The following TAFA2 variants were observed in gnomAD, a reference collection of about 807,000 sequenced individuals.
TAFA2 encodes the protein chemokine-like protein TAFA-2.
Under a neutral mutation model 18.8 loss-of-function variants are expected in TAFA2, and 7 were observed. The ratio of observed to expected loss-of-function variants is 0.37; its 90% CI spans 0.21 to 0.70. The LOEUF is 0.70. TAFA2 is among the 30% of genes least tolerant of loss of function. TAFA2 has a pLI of 0.53. For missense variants in TAFA2, 122 were observed against 158.1 expected (o/e 0.77, Z 1.23); for synonymous variants, 60 against 54.2 (o/e 1.11, Z -0.47).
chr12:62,194,301 T>TCTCA (rs2062639497), upstream of TAFA2, among the ~76,000 whole-genome samples: 1 of 145,920 alleles, frequency 6.9e-6, no homozygotes, highest in East Asian at 2.0e-4. Context: ...GGCTTTCTTT[T>TCTCA]CACACACACA....
chr12:61,765,511 C>T (rs1869751087), intron 2 of TAFA2, among the ~76,000 whole-genome samples: 1 of 152,032 alleles, frequency 6.6e-6, no homozygotes, highest in Non-Finnish European at 1.5e-5. Flanking sequence ...GAGTTGGGTG[C>T]AGCTCAAGTG....
chr12:62,080,296 T>G (rs1592323109), intron 1 of TAFA2, among the ~76,000 whole-genome samples: 1 of 152,234 alleles, frequency 6.6e-6, no homozygotes, highest in Admixed American at 6.5e-5. Flanking sequence ...CTTACCTGAT[T>G]CGGTCAGGCT....
At chr12:61,995,920 T>A (rs1454609030) in intron 1 of TAFA2, among the ~76,000 whole-genome samples, 2 of 152,182 alleles carry the variant, frequency 1.3e-5, no homozygotes, top group African/African-American at 2.4e-5. Context: ...AATCATTCAA[T>A]TGTACATTTG....
chr12:62,251,154 T>C (rs1163796234), intron 1 of TAFA2, among the ~76,000 whole-genome samples: 2 of 152,170 alleles, frequency 1.3e-5, no homozygotes, highest in East Asian at 1.9e-4. Context: ...CAGGTAGTCA[T>C]GTAATTGTTA....
chr12:62,047,095 T>C (rs1234913577), intron 1 of TAFA2, among the ~76,000 whole-genome samples: 1 of 152,038 alleles, frequency 6.6e-6, no homozygotes, highest in Non-Finnish European at 1.5e-5. Flanking sequence ...TAATAATAAT[T>C]AGGTCAGGAA....
At chr12:61,957,685 G>T (rs1878744978) in intron 1 of TAFA2, among the ~76,000 whole-genome samples, 1 of 152,066 alleles carries the variant, frequency 6.6e-6, no homozygotes, top group Admixed American at 6.6e-5. Context: ...TGGTCAAGGA[G>T]AGAGTTTGCC....
At chr12:61,998,217 A>G (rs1395590797) in intron 1 of TAFA2, among the ~76,000 whole-genome samples, 1 of 152,214 alleles carries the variant, frequency 6.6e-6, no homozygotes, top group Non-Finnish European at 1.5e-5. Flanking sequence ...CAGGACATCA[A>G]TATGAGGGGA....
At chr12:61,921,984 T>C (rs923095230) in intron 1 of TAFA2, among the ~76,000 whole-genome samples, 2 of 152,146 alleles carry the variant, frequency 1.3e-5, no homozygotes, top group African/African-American at 2.4e-5. Flanking sequence ...ATGCTGTTAA[T>C]AGATCAAGTA....
At chr12:61,790,226 A>G (rs1870916844) in intron 2 of TAFA2, among the ~76,000 whole-genome samples, 2 of 151,898 alleles carry the variant, frequency 1.3e-5, no homozygotes, top group African/African-American at 2.4e-5. Context: ...CCACAACACA[A>G]TAAAGGCCAT....
intron 2 of TAFA2, among the ~76,000 whole-genome samples, chr12:61,850,143 TA>T (rs1174407992): frequency 6.6e-6 from 1 of 151,772 alleles, no homozygotes; most frequent in Non-Finnish European, 1.5e-5. Flanking sequence ...TAAACCAATA[TA>T]TAGTATACCT....
intron 1 of TAFA2, among the ~76,000 whole-genome samples, chr12:61,962,832 G>T (rs533274194): frequency 6.6e-6 from 1 of 151,962 alleles, no homozygotes; most frequent in Non-Finnish European, 1.5e-5. Flanking sequence ...CACATGCCAT[G>T]GTGGTTTGCT....
At chr12:62,041,294 A>C (rs1207537807) in intron 1 of TAFA2, among the ~76,000 whole-genome samples, 2 of 152,208 alleles carry the variant, frequency 1.3e-5, no homozygotes, top group Non-Finnish European at 2.9e-5. Context: ...TTTGAAAAAA[A>C]GAAAAATTTT....
At chr12:61,750,769 C>T (rs1165960986) in intron 4 of TAFA2, among the ~76,000 whole-genome samples, 1 of 152,090 alleles carries the variant, frequency 6.6e-6, no homozygotes, top group Non-Finnish European at 1.5e-5. Context: ...TACATTATTG[C>T]ATATTTTAAT....
chr12:62,232,722 G>A (rs997050614), intron 1 of TAFA2, among the ~76,000 whole-genome samples: 6 of 152,014 alleles, frequency 3.9e-5, no homozygotes, highest in African/African-American at 1.5e-4. Context: ...ATGATGGCCA[G>A]GCTGGTCTTG....
chr12:61,931,168 T>C (rs2121394328), intron 1 of TAFA2, among the ~76,000 whole-genome samples: 1 of 152,322 alleles, frequency 6.6e-6, no homozygotes, highest in Admixed American at 6.5e-5. Flanking sequence ...TTAAAGTGTA[T>C]TACCTGCTTT....
At chr12:62,007,106 C>T (rs1293717451) in intron 1 of TAFA2, among the ~76,000 whole-genome samples, 1 of 152,038 alleles carries the variant, frequency 6.6e-6, no homozygotes, top group African/African-American at 2.4e-5. Flanking sequence ...CTTCCTGGCC[C>T]CCATGCTCCT....
intron 1 of TAFA2, among the ~76,000 whole-genome samples, chr12:62,018,786 A>G (rs1881022455): frequency 6.6e-6 from 1 of 152,246 alleles, no homozygotes; most frequent in African/African-American, 2.4e-5. Flanking sequence ...TGTCTAAAAC[A>G]ACAAAAGCAA....
intron 1 of TAFA2, among the ~76,000 whole-genome samples, chr12:61,909,566 G>A (rs1876512943): frequency 6.6e-6 from 1 of 152,208 alleles, no homozygotes; most frequent in African/African-American, 2.4e-5. Flanking sequence ...ACTGAGTCGT[G>A]AGATGTGCTA....
At chr12:62,171,373 A>G (rs979594839) in intron 1 of TAFA2, among the ~76,000 whole-genome samples, 1 of 152,198 alleles carries the variant, frequency 6.6e-6, no homozygotes, top group African/African-American at 2.4e-5. Context: ...TATTTAAAGA[A>G]AATGCCAGCT....
Sources: gnomAD v4.1 joint callset for allele counts (sites outside exome capture counted in the v4.1 genomes callset) on GRCh38, gnomAD v4.1.1 for gene constraint, MANE v1.5 for transcripts, NCBI Gene and HGNC (gene_info 2026-07-23, HGNC 2026-07-21) for gene names.